Variants in WSCD2 observed in about 807,000 individuals in gnomAD.
WSCD2 encodes the protein sialate:O-sulfotransferase 2.
A neutral mutation model predicts 55.7 loss-of-function variants in WSCD2; 28 were observed. The ratio of observed to expected loss-of-function variants is 0.50; its 90% CI spans 0.37 to 0.69. WSCD2 has a LOEUF of 0.69. Ranked by LOEUF, WSCD2 falls within the 30% of genes least tolerant of loss-of-function variation. WSCD2 has a pLI of 0.00. For missense variants in WSCD2, 616 were observed against 762.1 expected, an observed-to-expected ratio of 0.81 and a Z score of 2.26; for synonymous variants, 301 against 301.9, an observed-to-expected ratio of 1.00 and a Z score of 0.03.
intron 1 of WSCD2, among the ~76,000 whole-genome samples, chr12:108,169,098 T>C (rs1473517861): frequency 6.6e-6 from 1 of 152,144 alleles, no homozygotes; most frequent in East Asian, 1.9e-4. Context: ...GACCTCTAGG[T>C]TGCACACGCC....
chr12:108,136,200 G>A (rs985897303), intron 1 of WSCD2, among the ~76,000 whole-genome samples: 2 of 152,188 alleles, frequency 1.3e-5, no homozygotes, highest in Non-Finnish European at 2.9e-5. Context: ...GACCCAGAAA[G>A]GGAGAGAGAC....
intron 1 of WSCD2, among the ~76,000 whole-genome samples, chr12:108,133,252 G>A (rs1448986294): frequency 8.5e-5 from 13 of 152,146 alleles, no homozygotes; most frequent in Admixed American, 7.2e-4. Context: ...ACATTTGAGT[G>A]TGTCTGTGTG....
At chr12:108,226,456 A>G (rs764050739) in intron 5 of WSCD2, among the ~76,000 whole-genome samples, 1 of 152,046 alleles carries the variant, frequency 6.6e-6, no homozygotes, top group South Asian at 2.1e-4. Flanking sequence ...GGGGGCATTT[A>G]CTGTGGTGTA....
chr12:108,239,917 C>T (rs1268280662), intron 7 of WSCD2, among the ~76,000 whole-genome samples: 4 of 152,040 alleles, frequency 2.6e-5, no homozygotes, highest in Non-Finnish European at 4.4e-5. Context: ...AATGGGGTCT[C>T]ACTATGTTGC....
chr12:108,184,108 C>T (rs1447605360), intron 1 of WSCD2, among the ~76,000 whole-genome samples: 2 of 152,174 alleles, frequency 1.3e-5, no homozygotes, highest in Admixed American at 6.5e-5. Context: ...CTCAGTTACC[C>T]CATATGTCTG....
intron 3 of WSCD2, among the ~76,000 whole-genome samples, chr12:108,208,475 G>T (rs2137094562): frequency 6.6e-6 from 1 of 152,284 alleles, no homozygotes; most frequent in Middle Eastern, 3.4e-3. Context: ...GGCTCCATGT[G>T]GAGGGTTTAG....
chr12:108,225,285 G>A (rs2374974), intron 5 of WSCD2, among the ~76,000 whole-genome samples: 105,030 of 152,092 alleles, frequency 0.69, 36,642 homozygotes, highest in East Asian at 0.86. Flanking sequence ...GCAAGAGAGC[G>A]TGTGTACAGG....
chr12:108,139,496 C>T (rs1876561291), intron 1 of WSCD2, among the ~76,000 whole-genome samples: 2 of 152,216 alleles, frequency 1.3e-5, no homozygotes, highest in South Asian at 2.1e-4. Context: ...TGAGCGAATT[C>T]GAAGCTGTGT....
At chr12:108,223,775 G>A (rs964467097) in intron 4 of WSCD2, among the ~76,000 whole-genome samples, 1 of 152,166 alleles carries the variant, frequency 6.6e-6, no homozygotes, top group Non-Finnish European at 1.5e-5. Context: ...CTGGGGGACA[G>A]CCCATAGCCA....
In WSCD2 at chr12:108,248,213, T is replaced by C. The variant is rs1297033864; in HGVS notation, c.1568T>C (p.Leu523Pro). 2 of 1,614,074 alleles carry C rather than the reference T, an allele frequency of 1.2e-6. No individual in the cohort carries two copies. The highest frequency in any genetic ancestry group is 4.5e-5 in the East Asian group (2 of 44,892). The part of the protein sequence containing the change: ...QKDGNFKRSG[L>P]RKLEYDPYTA... Reference sequence around the variant, plus strand: ...GATGGCAACTTCAAGCGCTCAGGGCTCCGGAAGCTCGAGTATGACCCCTAT... The same window carrying C: ...GATGGCAACTTCAAGCGCTCAGGGCCCCGGAAGCTCGAGTATGACCCCTAT... Residue 523 changes from leucine (L) to proline (P), a missense_variant, in exon 9 of 9, where the codon CTC becomes CCC. Physicochemically the swap from Leu to Pro is moderately conservative, Grantham distance 98 (BLOSUM62 -3). Transcript: ENST00000547525. The surrounding 1 kb of genome is among the most constrained non-coding windows in gnomAD (Gnocchi z 4.3).
chr12:108,211,630 C>CATATATATATATATATATATATATACAT (rs56944563), intron 4 of WSCD2, among the ~76,000 whole-genome samples: 13 of 138,534 alleles, frequency 9.4e-5, no homozygotes, highest in African/African-American at 3.0e-4. Flanking sequence ...TTTCAAATCC[C>CATATATATATATATATATATATATACAT]ATATATATAT....
At chr12:108,179,608 C>G (rs1382836805) in intron 1 of WSCD2, among the ~76,000 whole-genome samples, 1 of 152,192 alleles carries the variant, frequency 6.6e-6, no homozygotes, top group African/African-American at 2.4e-5. Context: ...TCCAGACGAT[C>G]ATCCAGGACT....
intron 6 of WSCD2, among the ~76,000 whole-genome samples, chr12:108,228,150 G>A (rs1369205745): frequency 3.9e-5 from 6 of 152,106 alleles, no homozygotes; most frequent in Admixed American, 6.5e-5. Flanking sequence ...TCTCCTGACC[G>A]AGGTATCATG....
At chr12:108,188,329 C>T (rs1882764772) in intron 1 of WSCD2, among the ~76,000 whole-genome samples, 1 of 151,988 alleles carries the variant, frequency 6.6e-6, no homozygotes, top group African/African-American at 2.4e-5. Flanking sequence ...CTGGTGTGTA[C>T]ATGCTTCCTG....
At chr12:108,245,267 T>A (rs914805665) in intron 8 of WSCD2, among the ~76,000 whole-genome samples, 24 of 152,274 alleles carry the variant, frequency 1.6e-4, no homozygotes, top group African/African-American at 5.5e-4. Flanking sequence ...CTTTTCCCTG[T>A]GTCTAAAATG....
chr12:108,206,520 A>G (rs1019891852), intron 3 of WSCD2, 117 bp downstream of exon 3: 2 of 983,126 alleles, frequency 2.0e-6, no homozygotes, highest in African/African-American at 1.6e-5. Flanking sequence ...ACGTGACCAC[A>G]GGAAAGGTTG....
At chr12:108,197,807 C>T (rs183403909) in intron 2 of WSCD2, among the ~76,000 whole-genome samples, 7 of 151,910 alleles carry the variant, frequency 4.6e-5, no homozygotes, top group African/African-American at 1.7e-4. Flanking sequence ...TCCCACAGTC[C>T]AACTCTGCAA....
At chr12:108,233,042 T>G in intron 7 of WSCD2, 147 bp downstream of exon 7, 6 of 1,055,386 alleles carry the variant, frequency 5.7e-6, no homozygotes, top group African/African-American at 1.6e-5. Flanking sequence ...CACTGCATGC[T>G]TGGTACCCCC....
intron 6 of WSCD2, among the ~76,000 whole-genome samples, 180 bp downstream of exon 6, chr12:108,227,344 C>T (rs1192643933): frequency 6.6e-6 from 1 of 152,226 alleles, no homozygotes; most frequent in East Asian, 1.9e-4. Flanking sequence ...GAAGGAATTC[C>T]CAGGGTGGGA....
Sources: allele counts gnomAD v4.1 joint callset (sites outside exome capture counted in the v4.1 genomes callset), GRCh38; gene constraint gnomAD v4.1.1; non-coding constraint Gnocchi (gnomAD v3.1); transcripts MANE v1.5; gene names NCBI Gene and HGNC (gene_info 2026-07-23, HGNC 2026-07-21).